The following POU2F1 variants were observed in gnomAD, a reference collection of about 807,000 sequenced individuals.
The protein encoded by POU2F1 is POU class 2 homeobox 1, also known as POU domain, class 2, transcription factor 1.
In POU2F1, 16 loss-of-function variants were observed where a neutral mutation model predicts 84.9. The ratio of observed to expected loss-of-function variants is 0.19; its 90% confidence interval spans 0.13 to 0.29. POU2F1 has a LOEUF of 0.29. Ranked by LOEUF, POU2F1 falls within the 10% of genes least tolerant of loss-of-function variation. The probability of loss-of-function intolerance (pLI) is 1.00; values close to 1 mark genes in which losing one functional copy is unlikely to be tolerated. For synonymous variants in POU2F1, 368 were observed against 368.3 expected (o/e 1.00, Z 0.01); for missense variants, 738 against 942.6 (o/e 0.78, Z 2.84).
chr1:167,377,803 G>A (rs753624988), intron 7 of POU2F1, among the ~76,000 whole-genome samples: 2 of 151,918 alleles, frequency 1.3e-5, no homozygotes, highest in African/African-American at 2.4e-5. Context: ...TAGTTTTTTC[G>A]ATTCTCATCC....
intron 7 of POU2F1, chr1:167,379,635 G>C (rs879379923): frequency 5.9e-5 from 9 of 152,194 alleles, no homozygotes; most frequent in Non-Finnish European, 1.3e-4. Context: ...CGCAATGGAA[G>C]AAAATGCCAA....
At chr1:167,262,925 A>T (rs1467115316) in intron 1 of POU2F1, among the ~76,000 whole-genome samples, 1 of 152,206 alleles carries the variant, frequency 6.6e-6, no homozygotes, top group Non-Finnish European at 1.5e-5. Context: ...AATTGGGGCC[A>T]GTTTATGTAG....
At chr1:167,326,024 C>T (rs1238030113) in intron 1 of POU2F1, among the ~76,000 whole-genome samples, 1 of 152,076 alleles carries the variant, frequency 6.6e-6, no homozygotes, top group East Asian at 1.9e-4. Flanking sequence ...TTTGCCCTTT[C>T]AGCTCCTTTT....
intron 1 of POU2F1, among the ~76,000 whole-genome samples, chr1:167,280,067 G>A (rs1288316590): frequency 2.0e-5 from 3 of 151,704 alleles, no homozygotes; most frequent in Non-Finnish European, 4.4e-5. Context: ...TTAGCCAGGC[G>A]CCTGTAATCT....
At chr1:167,261,078 A>G (rs1651529893) in intron 1 of POU2F1, among the ~76,000 whole-genome samples, 1 of 152,102 alleles carries the variant, frequency 6.6e-6, no homozygotes, top group Non-Finnish European at 1.5e-5. Flanking sequence ...TTGATTTATA[A>G]ATGTCTTGTC....
At chr1:167,329,045 A>G (rs752740075) in intron 1 of POU2F1, 68 of 1,184,508 alleles carry the variant, frequency 5.7e-5, no homozygotes, top group Non-Finnish European at 6.5e-5. Flanking sequence ...GAGAGACTAA[A>G]ACTCCTCTGA....
Position 167,426,073 on chromosome 1 carries a change from A to G in POU2F1, c.*10263A>G, listed in dbSNP as rs753372232. ...GTCACACAAGCTCTATCCCAAAGCA[A>G]AATCCAAATGTTAATAATATTAGCC... On this transcript the variant is annotated 3_prime_UTR_variant, in exon 16 of 16. Coordinates refer to ENST00000367866, the MANE Select transcript of POU2F1 (RefSeq NM_002697.4). The G allele has an allele frequency of 1.3e-5, 2 of 152,108 alleles. No homozygotes were observed. Among genetic ancestry groups the G allele is most frequent in the Non-Finnish European group, 2.9e-5 (2 of 68,016 alleles). The allele number at this position is 152,108 out of a possible 1,614,324, so 9.4% of individuals were successfully genotyped here. A position where few individuals can be genotyped will look rare whatever the true frequency, so the allele number is the denominator to read the frequency against.
At position 167,420,584 on chromosome 1, in the gene POU2F1, ACG is replaced by A. The variant is rs1650587323; in HGVS notation, c.*4775_*4776del. On this transcript the variant is annotated 3_prime_UTR_variant, in exon 16 of 16. Transcript: ENST00000367866. ...GCTGTTCCCAAACCAGGTCATCCTC[ACG>A]AAACATTCTTGACCAAGAAAAAAGA... The A allele has an allele frequency of 6.6e-6, 1 of 152,106 alleles. No individual in the cohort carries two copies. The highest frequency in any genetic ancestry group is 1.5e-5 in the Non-Finnish European group (1 of 68,018). 9.4% of individuals were successfully genotyped at this position (152,106 alleles called of 1,614,324 possible). A position where few individuals can be genotyped will look rare whatever the true frequency, so the allele number is the denominator to read the frequency against.
intron 2 of POU2F1, among the ~76,000 whole-genome samples, chr1:167,336,294 TTGC>T (rs1657439449): frequency 6.6e-6 from 1 of 152,248 alleles, no homozygotes; most frequent in Non-Finnish European, 1.5e-5. Context: ...CTTGTTGCTA[TTGC>T]AATGATCTCA....
Position 167,365,453 on chromosome 1 carries a change from TGC to T in POU2F1, c.128-13_128-12del. 1 of 1,531,840 alleles carries T rather than the reference TGC, an allele frequency of 6.5e-7. No individual in the cohort carries two copies. Among genetic ancestry groups the T allele is most frequent in the Non-Finnish European group, 8.8e-7 (1 of 1,135,798 alleles). 94.9% of individuals were successfully genotyped at this position (1,531,840 alleles called of 1,614,324 possible). On this transcript the variant is annotated splice_polypyrimidine_tract_variant and intron_variant, in intron 2 of 15. Transcript: ENST00000367866. ...TTTCTTTTAATAGTTGAAATTATTTTGCTTGCTTTCTAGGCACACAAACCAAT... is the reference window on the plus strand; with the variant it reads ...TTTCTTTTAATAGTTGAAATTATTTTTTGCTTTCTAGGCACACAAACCAAT...
intron 1 of POU2F1, among the ~76,000 whole-genome samples, chr1:167,269,204 TTAAAA>T (rs1472705299): frequency 1.3e-5 from 2 of 152,228 alleles, no homozygotes; most frequent in Non-Finnish European, 2.9e-5. Flanking sequence ...AGATCCAAAC[TTAAAA>T]TGTGAGAAAT....
At chr1:167,342,254 A>T (rs1276757918) in intron 2 of POU2F1, among the ~76,000 whole-genome samples, 1 of 152,178 alleles carries the variant, frequency 6.6e-6, no homozygotes, top group Non-Finnish European at 1.5e-5. Flanking sequence ...ATTTTTCCCC[A>T]GGATAGTATC....
At chr1:167,352,906 G>C (rs914822155) in intron 2 of POU2F1, among the ~76,000 whole-genome samples, 2 of 152,214 alleles carry the variant, frequency 1.3e-5, no homozygotes, top group African/African-American at 4.8e-5. Flanking sequence ...TTGGGTTAGA[G>C]AGATGGGAAA....
At chr1:167,392,686 G>A (rs1420842312) in intron 9 of POU2F1, among the ~76,000 whole-genome samples, 1 of 152,110 alleles carries the variant, frequency 6.6e-6, no homozygotes, top group African/African-American at 2.4e-5. Flanking sequence ...TTGTTTTGTG[G>A]TTTTATCCTA....
At chr1:167,345,346 A>C (rs1658119278) in intron 2 of POU2F1, among the ~76,000 whole-genome samples, 1 of 152,150 alleles carries the variant, frequency 6.6e-6, no homozygotes, top group South Asian at 2.1e-4. Context: ...TTCAGATAGT[A>C]AGTTTTCAGG....
intron 1 of POU2F1, among the ~76,000 whole-genome samples, chr1:167,244,800 A>G (rs1650189956): frequency 6.6e-6 from 1 of 152,206 alleles, no homozygotes; most frequent in African/African-American, 2.4e-5. Context: ...CATTGGTGGA[A>G]CATGTATGGG....
intron 1 of POU2F1, among the ~76,000 whole-genome samples, chr1:167,290,556 G>A (rs1334005549): frequency 6.6e-6 from 1 of 152,184 alleles, no homozygotes; most frequent in Non-Finnish European, 1.5e-5. Context: ...CAGCTGAAGC[G>A]TCTCAAGGTC....
rs572527480 is a variant in POU2F1 at position 167,329,970 on chromosome 1, C to T, written c.62-2500C>T. On this transcript the variant is annotated intron_variant, in intron 1 of 15. Transcript: ENST00000367866. ...TTTTAGAGTTTTCTCTGTAGAACAG[C>T]AAGCCTTTTGGAGTGGAAGATGTCC... is the stretch of plus-strand genomic sequence containing the variant. 2.6e-5 allele frequency among the ~76,000 whole-genome samples: 4 copies of T among 152,240 alleles called. No homozygotes were observed. In the East Asian group the frequency reaches 7.7e-4, roughly 29 times the overall value.
At chr1:167,331,542 T>C (rs1290359684) in intron 1 of POU2F1, among the ~76,000 whole-genome samples, 1 of 152,096 alleles carries the variant, frequency 6.6e-6, no homozygotes, top group Admixed American at 6.5e-5. Context: ...AGTAAACTTG[T>C]TTGATCATAA....
Sources: gnomAD v4.1 joint callset for allele counts (sites outside exome capture counted in the v4.1 genomes callset) on GRCh38, gnomAD v4.1.1 for gene constraint, MANE v1.5 for transcripts, NCBI Gene and HGNC (gene_info 2026-07-23, HGNC 2026-07-21) for gene names.